ITPR2: variants seen among roughly 807,000 people sequenced by gnomAD.
The protein encoded by ITPR2 is inositol 1,4,5-trisphosphate receptor type 2.
In ITPR2, 207 loss-of-function variants were observed where a neutral mutation model predicts 317.1. That is an observed-to-expected ratio of 0.65 (90% CI 0.58 to 0.73). The LOEUF (loss-of-function observed/expected upper bound fraction) is 0.73, where lower values mean the gene tolerates loss of function less well. ITPR2 is among the 30% of genes least tolerant of loss of function. ITPR2 has a pLI of 0.00. For missense variants in ITPR2, 2,613 were observed against 3,284.0 expected, an observed-to-expected ratio of 0.80 and a Z score of 4.99; for synonymous variants, 1,156 against 1,149.1, an observed-to-expected ratio of 1.01 and a Z score of -0.12.
chr12:26,733,534 T>C (rs1949061921), intron 2 of ITPR2, among the ~76,000 whole-genome samples: 1 of 152,152 alleles, frequency 6.6e-6, no homozygotes, highest in South Asian at 2.1e-4. Context: ...TATGTGTATA[T>C]ATAATTAAAT....
rs1247434310 is a variant in ITPR2, at chr12:26,337,056, A to T, written c.*2341T>A. On this transcript the variant is annotated 3_prime_UTR_variant, in exon 57 of 57. Transcript: ENST00000381340. ...GAGGCATTAAAAATACAACTCAGAA[A>T]TATTTAAATTTTGATGAAATAAGAG... 3.3e-5 allele frequency: 5 copies of T among 151,582 alleles called. No individual in the cohort carries two copies. The highest frequency in any genetic ancestry group is 1.2e-4 in the African/African-American group (5 of 41,282). 9.4% of individuals were successfully genotyped at this position (151,582 alleles called of 1,614,324 possible). A position where few individuals can be genotyped will look rare whatever the true frequency, so the allele number is the denominator to read the frequency against.
At chr12:26,535,331 T>C (rs1944060161) in intron 37 of ITPR2, among the ~76,000 whole-genome samples, 1 of 152,240 alleles carries the variant, frequency 6.6e-6, no homozygotes, top group African/African-American at 2.4e-5. Context: ...ATGTTCTATT[T>C]AGTGTACGGT....
intron 55 of ITPR2, 116 bp from the exon 56 acceptor site, chr12:26,340,444 G>A (rs142628351): frequency 2.7e-6 from 3 of 1,094,586 alleles, no homozygotes; most frequent in East Asian, 3.1e-5. Context: ...AAATTGGAGA[G>A]AGAAAACCTG....
intron 51 of ITPR2, among the ~76,000 whole-genome samples, chr12:26,413,353 T>C (rs1940612999): frequency 6.6e-6 from 1 of 152,210 alleles, no homozygotes; most frequent in South Asian, 2.1e-4. Context: ...GATTTTCTGA[T>C]CTTTTCTTCT....
At chr12:26,415,884 TC>T (rs796300761) in intron 50 of ITPR2, among the ~76,000 whole-genome samples, 6 of 152,302 alleles carry the variant, frequency 3.9e-5, no homozygotes, top group African/African-American at 1.4e-4. Context: ...TGCAGTTACT[TC>T]TGGAATATGT....
At chr12:26,604,792 G>A (rs1482609667) in intron 26 of ITPR2, among the ~76,000 whole-genome samples, 1 of 152,120 alleles carries the variant, frequency 6.6e-6, no homozygotes, top group Non-Finnish European at 1.5e-5. Context: ...ATCATGAAGT[G>A]AATCTTAAAA....
chr12:26,387,734 AAAC>A (rs1939707274), intron 54 of ITPR2, 140 bp from the exon 55 acceptor site: 2 of 735,944 alleles, frequency 2.7e-6, no homozygotes, highest in Non-Finnish European at 4.3e-6. Context: ...CTATGATTAA[AAAC>A]AACACAGTAC....
chr12:26,652,392 C>T (rs1186189071), intron 21 of ITPR2, among the ~76,000 whole-genome samples: 1 of 152,208 alleles, frequency 6.6e-6, no homozygotes, highest in African/African-American at 2.4e-5. Flanking sequence ...CAATTAATTA[C>T]TTCAGCTTAC....
chr12:26,454,802 T>C (rs1038861261), intron 45 of ITPR2, among the ~76,000 whole-genome samples: 12 of 152,124 alleles, frequency 7.9e-5, no homozygotes, highest in East Asian at 1.9e-4. Flanking sequence ...TGACCTTTTA[T>C]GGTAGCACGT....
intron 54 of ITPR2, among the ~76,000 whole-genome samples, chr12:26,390,029 C>T (rs1254069640): frequency 6.6e-6 from 1 of 152,172 alleles, no homozygotes; most frequent in Non-Finnish European, 1.5e-5. Flanking sequence ...CAATTAAATA[C>T]TGATTGATTG....
intron 4 of ITPR2, among the ~76,000 whole-genome samples, chr12:26,724,181 G>A (rs551833764): frequency 6.6e-6 from 1 of 152,154 alleles, no homozygotes; most frequent in Admixed American, 6.6e-5. Context: ...AAAGATCTAA[G>A]TGAAACACAG....
At chr12:26,607,847 G>A (rs963429430) in intron 26 of ITPR2, among the ~76,000 whole-genome samples, 3 of 152,146 alleles carry the variant, frequency 2.0e-5, no homozygotes, top group East Asian at 1.9e-4. Flanking sequence ...TTGGGAGGCC[G>A]AGGCAGGCGG....
At chr12:26,343,089 T>C (rs901279571) in intron 55 of ITPR2, among the ~76,000 whole-genome samples, 4 of 152,214 alleles carry the variant, frequency 2.6e-5, no homozygotes, top group Admixed American at 6.5e-5. Context: ...ACCAAGCAGA[T>C]GCTGGTGCCA....
At chr12:26,501,153 C>T (rs1943062022) in intron 37 of ITPR2, among the ~76,000 whole-genome samples, 1 of 152,144 alleles carries the variant, frequency 6.6e-6, no homozygotes, top group South Asian at 2.1e-4. Context: ...ACAAGATCTA[C>T]AAGGAGGTGA....
Position 26,832,762 on chromosome 12 carries a change from C to A in ITPR2, c.20G>T (p.Ser7Ile). Reference sequence around the variant, plus strand: ...CACGATGTCCCCTATGTAGAGGAAGCTGGACATTTTCTCAGTCATGCTGCT... The same window carrying A: ...CACGATGTCCCCTATGTAGAGGAAGATGGACATTTTCTCAGTCATGCTGCT... The part of the protein sequence containing the change: MTEKMS[S>I]FLYIGDIVSL... Residue 7 changes from serine (S) to isoleucine (I), a missense_variant, in exon 1 of 57, where the codon AGC becomes ATC. Physicochemically the swap from Ser to Ile is moderately radical, Grantham distance 142 (BLOSUM62 -2). Transcript: ENST00000381340. 1 of 1,602,476 alleles carries A rather than the reference C, an allele frequency of 6.2e-7. No individual in the cohort carries two copies. The highest frequency in any genetic ancestry group is 8.5e-7 in the Non-Finnish European group (1 of 1,175,086).
chr12:26,377,283 A>G (rs1462491500), intron 55 of ITPR2, among the ~76,000 whole-genome samples: 5 of 152,028 alleles, frequency 3.3e-5, no homozygotes, highest in African/African-American at 4.8e-5. Flanking sequence ...TCCTTTATCT[A>G]TTTCCTTTAT....
intron 49 of ITPR2, among the ~76,000 whole-genome samples, chr12:26,420,128 A>C (rs1209923545): frequency 6.6e-6 from 1 of 152,188 alleles, no homozygotes; most frequent in East Asian, 1.9e-4. Context: ...ATGTGTGTGC[A>C]CTGATTTATA....
intron 37 of ITPR2, among the ~76,000 whole-genome samples, chr12:26,538,494 A>C (rs1944163904): frequency 6.6e-6 from 1 of 152,232 alleles, no homozygotes; most frequent in South Asian, 2.1e-4. Context: ...GTGGAGAAGC[A>C]TCAAAGAAAG....
chr12:26,657,891 C>A lies in ITPR2; in HGVS notation c.2008G>T (p.Val670Leu), dbSNP rs1947410441. ...GGGTTGTCTGCTTGCATTGAGACCA[C>A]CCTTCAAATAAATAGCACATACAAA... ...GNADILIQTK[V>L]VSMQADNPME... The change falls in exon 18 of 57, where the codon GTG becomes TTG. Residue 670 changes from valine (V) to leucine (L), a missense_variant and splice_region_variant. By Grantham distance (32) the Val-to-Leu change is conservative. Transcript: ENST00000381340. 6.2e-7 allele frequency: 1 copy of A among 1,612,710 alleles called. No individual in the cohort carries two copies. Among genetic ancestry groups the A allele is most frequent in the Non-Finnish European group, 8.5e-7 (1 of 1,179,256 alleles).
Sources: allele counts gnomAD v4.1 joint callset (sites outside exome capture counted in the v4.1 genomes callset), GRCh38; gene constraint gnomAD v4.1.1; transcripts MANE v1.5; gene names NCBI Gene and HGNC (gene_info 2026-07-23, HGNC 2026-07-21).